ACTL8: variants seen among roughly 807,000 people sequenced by gnomAD.
ACTL8 encodes the protein actin-like protein 8.
ACTL8 carries 3 observed loss-of-function variants against 9.3 expected under a neutral mutation model. The ratio of observed to expected loss-of-function variants is 0.32; its 90% confidence interval spans 0.15 to 0.83. The LOEUF (loss-of-function observed/expected upper bound fraction) is 0.83. ACTL8 is among the 40% of genes least tolerant of loss of function. ACTL8 has a pLI of 0.57. For synonymous variants in ACTL8, 224 were observed against 205.9 expected, an observed-to-expected ratio of 1.09 and a Z score of -0.75; for missense variants, 381 against 492.2, an observed-to-expected ratio of 0.77 and a Z score of 2.14.
intron 1 of ACTL8, among the ~76,000 whole-genome samples, chr1:17,818,542 A>G (rs1243615586): frequency 6.6e-6 from 1 of 152,236 alleles, no homozygotes; most frequent in African/African-American, 2.4e-5. Flanking sequence ...CTTGCTACAC[A>G]GGCCTGCTGG....
At chr1:17,803,445 C>G (rs2066337821) in intron 1 of ACTL8, among the ~76,000 whole-genome samples, 1 of 152,196 alleles carries the variant, frequency 6.6e-6, no homozygotes, top group South Asian at 2.1e-4. Context: ...ATTCTCCTGC[C>G]TCAGTTTTCT....
intron 1 of ACTL8, among the ~76,000 whole-genome samples, chr1:17,800,673 A>G (rs1210612370): frequency 7.7e-6 from 1 of 130,076 alleles, no homozygotes; most frequent in Non-Finnish European, 1.5e-5. Context: ...TCGGCTCACC[A>G]CACCCTCTGC....
At chr1:17,760,757 GGCACTTTGCCCA>G (rs1233929613) in intron 1 of ACTL8, among the ~76,000 whole-genome samples, 2 of 152,134 alleles carry the variant, frequency 1.3e-5, no homozygotes, top group Non-Finnish European at 2.9e-5. Context: ...TTGGGTTCTG[GGCACTTTGCCCA>G]GCCCCCTGAC....
Position 17,795,757 on chromosome 1 carries a change from C to T in ACTL8, c.-24-27228C>T, listed in dbSNP as rs181425989. On this transcript the variant is annotated intron_variant, in intron 1 of 2. Transcript: ENST00000375406. The stretch of plus-strand genomic sequence containing the variant: ...GGTACAGACCCTCAGAAGGACCTCC[C>T]GTGCCGTTTGATTCCAAAATCTTGT... Among the ~76,000 whole-genome samples, 31 of 152,250 alleles carry T rather than the reference C, an allele frequency of 2.0e-4. No homozygotes were observed. In the East Asian group the frequency reaches 4.8e-3, roughly 24 times the overall value.
intron 1 of ACTL8, among the ~76,000 whole-genome samples, chr1:17,795,709 A>G (rs901567593): frequency 1.3e-5 from 2 of 152,096 alleles, no homozygotes; most frequent in African/African-American, 2.4e-5. Flanking sequence ...CAATCACTAG[A>G]GGTTAGATAG....
At chr1:17,786,037 C>G (rs1304164215) in intron 1 of ACTL8, among the ~76,000 whole-genome samples, 2 of 152,218 alleles carry the variant, frequency 1.3e-5, no homozygotes, top group Non-Finnish European at 2.9e-5. Context: ...ATTTCTGGCT[C>G]TTGGCTGGGC....
chr1:17,800,081 T>C (rs571205373), intron 1 of ACTL8, among the ~76,000 whole-genome samples: 2 of 152,346 alleles, frequency 1.3e-5, no homozygotes, highest in East Asian at 3.9e-4. Flanking sequence ...TTTCTTCTTC[T>C]AGACAATTTT....
intron 1 of ACTL8, among the ~76,000 whole-genome samples, chr1:17,801,749 A>G (rs1421971508): frequency 2.0e-5 from 3 of 152,242 alleles, no homozygotes; most frequent in African/African-American, 7.2e-5. Context: ...TCTAAAATTG[A>G]GAATTATCTG....
intron 1 of ACTL8, among the ~76,000 whole-genome samples, chr1:17,768,789 G>T (rs2066063760): frequency 6.6e-6 from 1 of 152,170 alleles, no homozygotes; most frequent in Non-Finnish European, 1.5e-5. Context: ...GGGCAGAGTT[G>T]CTGACTCACT....
At chr1:17,815,232 T>G (rs1025270177) in intron 1 of ACTL8, among the ~76,000 whole-genome samples, 2 of 152,222 alleles carry the variant, frequency 1.3e-5, no homozygotes, top group East Asian at 3.8e-4. Flanking sequence ...TACTTTATAA[T>G]TTTTTAAATA....
chr1:17,790,756 C>T (rs1487129501), intron 1 of ACTL8, among the ~76,000 whole-genome samples: 2 of 152,228 alleles, frequency 1.3e-5, no homozygotes, highest in African/African-American at 4.8e-5. Flanking sequence ...CATAGTGCCC[C>T]AGGCTGTAGG....
chr1:17,771,044 A>G (rs1322786756), intron 1 of ACTL8, among the ~76,000 whole-genome samples: 3 of 152,208 alleles, frequency 2.0e-5, no homozygotes, highest in East Asian at 1.9e-4. Context: ...GAGGATTGAG[A>G]TGATACTTGT....
At chr1:17,786,734 C>T (rs1392334414) in intron 1 of ACTL8, among the ~76,000 whole-genome samples, 1 of 152,204 alleles carries the variant, frequency 6.6e-6, no homozygotes, top group Non-Finnish European at 1.5e-5. Context: ...CGGTCTCACT[C>T]TGTTGCCCAG....
intron 1 of ACTL8, among the ~76,000 whole-genome samples, chr1:17,819,403 C>T (rs76554237): frequency 0.023 from 3,473 of 152,298 alleles, 130 homozygotes; most frequent in African/African-American, 0.077. Context: ...ATGTCAGAGC[C>T]GATTAAAGGC....
chr1:17,799,490 C>T (rs537809682), intron 1 of ACTL8, among the ~76,000 whole-genome samples: 3 of 150,818 alleles, frequency 2.0e-5, no homozygotes, highest in East Asian at 3.9e-4. Flanking sequence ...TTTCTAAGTT[C>T]GTTCCATGTC....
At chr1:17,792,603 G>A (rs1000478506) in intron 1 of ACTL8, among the ~76,000 whole-genome samples, 1 of 152,128 alleles carries the variant, frequency 6.6e-6, no homozygotes, top group East Asian at 1.9e-4. Context: ...TAACTCTGCC[G>A]TTTGACCCCC....
chr1:17,769,991 A>G (rs2066072475), intron 1 of ACTL8, among the ~76,000 whole-genome samples: 1 of 152,224 alleles, frequency 6.6e-6, no homozygotes, highest in Non-Finnish European at 1.5e-5. Context: ...CAGATGAGCT[A>G]TGGCTACATT....
chr1:17,770,380 G>C (rs2102677954), intron 1 of ACTL8, among the ~76,000 whole-genome samples: 1 of 152,238 alleles, frequency 6.6e-6, no homozygotes, highest in South Asian at 2.1e-4. Context: ...GCAAAATCAG[G>C]GGCAGGACAG....
At chr1:17,785,827 ATC>A (rs2066193202) in intron 1 of ACTL8, among the ~76,000 whole-genome samples, 1 of 152,198 alleles carries the variant, frequency 6.6e-6, no homozygotes, top group Non-Finnish European at 1.5e-5. Context: ...TTAATTTGTT[ATC>A]TCACCATTTC....
Sources: gnomAD v4.1 joint callset for allele counts (sites outside exome capture counted in the v4.1 genomes callset) on GRCh38, gnomAD v4.1.1 for gene constraint, MANE v1.5 for transcripts, NCBI Gene and HGNC (gene_info 2026-07-23, HGNC 2026-07-21) for gene names.